The following PDE1A variants were observed in gnomAD, a reference collection of about 807,000 sequenced individuals.
The protein encoded by PDE1A is dual specificity calcium/calmodulin-dependent 3',5'-cyclic nucleotide phosphodiesterase 1A.
Under a neutral mutation model 61.7 loss-of-function variants are expected in PDE1A, and 35 were observed. The observed-to-expected ratio is 0.57, with a 90% CI of 0.43 to 0.75. The LOEUF (loss-of-function observed/expected upper bound fraction) is 0.75, where lower values mean the gene tolerates loss of function less well. Among genes scored for constraint, PDE1A ranks in the 30% least tolerant of loss-of-function variants. The pLI is 0.00. For synonymous variants in PDE1A, 232 were observed against 213.2 expected (o/e 1.09, Z -0.77); for missense variants, 597 against 630.6 (o/e 0.95, Z 0.57).
the PDE1A span, among the ~76,000 whole-genome samples, chr2:182,678,313 C>G: frequency 6.6e-6 from 1 of 152,166 alleles, no homozygotes; most frequent in African/African-American, 2.4e-5. Flanking sequence ...ATCCCAGCTA[C>G]TCGGGAGGCT....
chr2:182,228,358 C>T (rs1689302118), intron 6 of PDE1A, among the ~76,000 whole-genome samples: 1 of 152,080 alleles, frequency 6.6e-6, no homozygotes, highest in Admixed American at 6.6e-5. Context: ...GCATTAGTCT[C>T]CTGACAGTAC....
At chr2:182,270,733 A>G (rs1692957861) in intron 1 of PDE1A, among the ~76,000 whole-genome samples, 1 of 151,364 alleles carries the variant, frequency 6.6e-6, no homozygotes, top group African/African-American at 2.4e-5. Context: ...ATATATATTA[A>G]TATTAACATT....
chr2:182,343,634 T>C (rs1378632549), intron 1 of PDE1A, among the ~76,000 whole-genome samples: 1 of 152,196 alleles, frequency 6.6e-6, no homozygotes, highest in Non-Finnish European at 1.5e-5. Flanking sequence ...TAAACTATTA[T>C]TGTGTTTTTG....
chr2:182,564,146 G>A, the PDE1A span, among the ~76,000 whole-genome samples: 1 of 152,168 alleles, frequency 6.6e-6, no homozygotes, highest in African/African-American at 2.4e-5. Flanking sequence ...TTTCTTCCTA[G>A]CCTCGATGGT....
At chr2:182,649,693 C>T in the PDE1A span, among the ~76,000 whole-genome samples, 4 of 152,116 alleles carry the variant, frequency 2.6e-5, no homozygotes, top group East Asian at 3.9e-4. Flanking sequence ...TCACTGCAAC[C>T]TCTGCCTCCC....
At chr2:182,575,666 G>A in the PDE1A span, among the ~76,000 whole-genome samples, 2 of 148,734 alleles carry the variant, frequency 1.3e-5, no homozygotes, top group East Asian at 4.1e-4. Flanking sequence ...TTAGTTCCAG[G>A]GGAGGAACGC....
chr2:182,573,367 G>T, the PDE1A span, among the ~76,000 whole-genome samples: 3 of 152,108 alleles, frequency 2.0e-5, no homozygotes, highest in African/African-American at 7.2e-5. Flanking sequence ...AGAGAAACAA[G>T]CTGAACGATG....
At chr2:182,710,269 C>T in the PDE1A span, among the ~76,000 whole-genome samples, 1 of 152,112 alleles carries the variant, frequency 6.6e-6, no homozygotes, top group Non-Finnish European at 1.5e-5. Flanking sequence ...TCAACATATA[C>T]AACATGATTG....
the PDE1A span, among the ~76,000 whole-genome samples, chr2:182,660,393 A>G: frequency 6.6e-6 from 1 of 152,186 alleles, no homozygotes; most frequent in South Asian, 2.1e-4. Flanking sequence ...AAATGATCCC[A>G]TTGCCCCTCA....
intron 7 of PDE1A, among the ~76,000 whole-genome samples, chr2:182,211,299 C>T (rs1156767251): frequency 6.6e-6 from 1 of 152,200 alleles, no homozygotes; most frequent in African/African-American, 2.4e-5. Flanking sequence ...ATTGCTTTTA[C>T]TCCTTTGTCA....
At chr2:182,182,805 T>G (rs557076975) in intron 13 of PDE1A, among the ~76,000 whole-genome samples, 1 of 151,874 alleles carries the variant, frequency 6.6e-6, no homozygotes, top group Non-Finnish European at 1.5e-5. Context: ...ACACCCACCC[T>G]CCCAGACCTC....
Position 182,462,313 on chromosome 2 carries a change from G to T in PDE1A, c.101+59963C>A, listed in dbSNP as rs1271290358. Among the ~76,000 whole-genome samples, 3 of 151,140 alleles carry T rather than the reference G, an allele frequency of 2.0e-5. No homozygotes were observed. The East Asian group carries it at 5.8e-4, about 29-fold the overall frequency. ...AGAACTTAAAGTATAATAAAAAAAA[G>T]AATAGACATATAAAAAAGTATATAT... On this transcript the variant is annotated intron_variant, in intron 2 of 14. Coordinates refer to the PDE1A transcript ENST00000410103.
At chr2:182,520,398 GA>G (rs899395707) in intron 2 of PDE1A, among the ~76,000 whole-genome samples, 4 of 151,824 alleles carry the variant, frequency 2.6e-5, no homozygotes, top group East Asian at 1.9e-4. Flanking sequence ...TTAAAAGAAA[GA>G]AAGAAAGAAA....
intron 2 of PDE1A, chr2:182,241,716 A>G: frequency 1.3e-5 from 9 of 704,416 alleles, no homozygotes; most frequent in Non-Finnish European, 1.5e-5. Context: ...AAAAATAAAC[A>G]TAAGTTCTGG....
At chr2:182,467,218 C>A (rs890088281) in intron 2 of PDE1A, among the ~76,000 whole-genome samples, 7 of 151,528 alleles carry the variant, frequency 4.6e-5, no homozygotes, top group Non-Finnish European at 8.8e-5. Flanking sequence ...ATGAAAGAGA[C>A]CACCTCACTA....
intron 11 of PDE1A, among the ~76,000 whole-genome samples, chr2:182,188,754 C>A (rs912762983): frequency 6.6e-6 from 1 of 152,144 alleles, no homozygotes; most frequent in African/African-American, 2.4e-5. Context: ...AGGATTACAA[C>A]CACGATAACA....
intron 2 of PDE1A, among the ~76,000 whole-genome samples, chr2:182,251,454 A>G (rs1368251327): frequency 6.6e-6 from 1 of 152,124 alleles, no homozygotes; most frequent in Non-Finnish European, 1.5e-5. Context: ...AGTAGTTTCA[A>G]ATTGTTGTCA....
the PDE1A span, among the ~76,000 whole-genome samples, chr2:182,623,581 C>A: frequency 2.0e-5 from 3 of 152,174 alleles, no homozygotes; most frequent in East Asian, 5.8e-4. Context: ...CACAGAGACC[C>A]CTGACTACCT....
intron 1 of PDE1A, among the ~76,000 whole-genome samples, chr2:182,295,577 AT>A (rs1321644548): frequency 6.6e-6 from 1 of 152,190 alleles, no homozygotes; most frequent in Non-Finnish European, 1.5e-5. Context: ...GTATCTACGG[AT>A]TAATAGTCTT....
Sources: allele counts gnomAD v4.1 joint callset (sites outside exome capture counted in the v4.1 genomes callset), GRCh38; gene constraint gnomAD v4.1.1; transcripts MANE v1.5; gene names NCBI Gene and HGNC (gene_info 2026-07-23, HGNC 2026-07-21).